Variants in NLGN1 observed in about 807,000 individuals in gnomAD.
NLGN1 encodes neuroligin 1.
A neutral mutation model predicts 65.5 loss-of-function variants in NLGN1; 12 were observed. The observed-to-expected ratio is 0.18, with a 90% CI of 0.12 to 0.30. The LOEUF is 0.30. Ranked by LOEUF, NLGN1 falls within the 10% of genes least tolerant of loss-of-function variation. NLGN1 has a pLI of 1.00. For missense variants in NLGN1, 750 were observed against 1,007.1 expected (o/e 0.74, Z 3.46); for synonymous variants, 350 against 359.5 (o/e 0.97, Z 0.30).
At chr3:173,560,201 G>GAA (rs566356841) in intron 2 of NLGN1, among the ~76,000 whole-genome samples, 311 of 152,128 alleles carry the variant, frequency 2.0e-3, no homozygotes, top group Non-Finnish European at 2.8e-3. Context: ...AAAGTGCTGG[G>GAA]ATTACTACAA....
At chr3:173,446,479 G>A (rs984755543) in intron 2 of NLGN1, among the ~76,000 whole-genome samples, 1 of 152,088 alleles carries the variant, frequency 6.6e-6, no homozygotes, top group Non-Finnish European at 1.5e-5. Context: ...TGGGCATTTG[G>A]GTTGGTTCTA....
chr3:173,557,391 T>C (rs1249509951), intron 2 of NLGN1, among the ~76,000 whole-genome samples: 1 of 152,156 alleles, frequency 6.6e-6, no homozygotes, highest in Non-Finnish European at 1.5e-5. Flanking sequence ...TATCTCATTT[T>C]TTTCTCATTT....
intron 3 of NLGN1, among the ~76,000 whole-genome samples, chr3:173,760,177 C>G (rs1396143064): frequency 5.9e-5 from 9 of 151,870 alleles, no homozygotes; most frequent in Non-Finnish European, 4.4e-5. Flanking sequence ...TCCCATAGAA[C>G]TTTATTTTTA....
At chr3:173,977,569 A>AG (rs1028462148) in intron 4 of NLGN1, among the ~76,000 whole-genome samples, 16 of 152,046 alleles carry the variant, frequency 1.1e-4, no homozygotes, top group African/African-American at 3.9e-4. Flanking sequence ...TTTTTATACT[A>AG]GAAGACAGAG....
intron 4 of NLGN1, among the ~76,000 whole-genome samples, chr3:173,850,798 A>G (rs1448259980): frequency 6.6e-6 from 1 of 152,086 alleles, no homozygotes; most frequent in African/African-American, 2.4e-5. Context: ...GTGCAGTGGC[A>G]CAATCATGAT....
intron 4 of NLGN1, among the ~76,000 whole-genome samples, chr3:173,974,082 C>T (rs563493013): frequency 1.6e-4 from 24 of 151,948 alleles, no homozygotes; most frequent in Middle Eastern, 3.4e-3. Flanking sequence ...AAATCTACAA[C>T]GTAGCCTCAG....
chr3:173,756,537 A>G (rs1777149402), intron 3 of NLGN1, among the ~76,000 whole-genome samples: 1 of 151,988 alleles, frequency 6.6e-6, no homozygotes, highest in South Asian at 2.1e-4. Context: ...GTGTGTGTGT[A>G]AATGTATATA....
At chr3:173,812,838 A>C (rs993044348) in intron 4 of NLGN1, among the ~76,000 whole-genome samples, 3 of 148,476 alleles carry the variant, frequency 2.0e-5, no homozygotes, top group Non-Finnish European at 3.0e-5. Flanking sequence ...TCAGTCATCA[A>C]ATCAGTAACA....
At chr3:173,397,533 A>G (rs1029668007), upstream of NLGN1, among the ~76,000 whole-genome samples, 14 of 145,086 alleles carry the variant, frequency 9.6e-5, no homozygotes, top group Middle Eastern at 3.5e-3. Flanking sequence ...TCTCTCCCCC[A>G]CTCCACTCCT....
chr3:173,410,829 C>T (rs796184775), intron 1 of NLGN1, among the ~76,000 whole-genome samples: 15 of 152,318 alleles, frequency 9.8e-5, no homozygotes, highest in African/African-American at 3.6e-4. Context: ...AAGTTATTTT[C>T]TGCATTTCAA....
At chr3:173,743,901 A>C (rs1329546986) in intron 3 of NLGN1, among the ~76,000 whole-genome samples, 1 of 152,192 alleles carries the variant, frequency 6.6e-6, no homozygotes. Context: ...ACAGTAAAAC[A>C]TGTCAGAGGA....
chr3:173,972,774 A>G (rs1025466366), intron 4 of NLGN1, among the ~76,000 whole-genome samples: 23 of 152,078 alleles, frequency 1.5e-4, no homozygotes, highest in African/African-American at 5.3e-4. Flanking sequence ...GAAACAGAGT[A>G]GTTGTTCTCA....
chr3:173,942,721 T>C (rs1296577373), intron 4 of NLGN1, among the ~76,000 whole-genome samples: 2 of 152,182 alleles, frequency 1.3e-5, no homozygotes, highest in Admixed American at 6.5e-5. Context: ...TTTTTCATAG[T>C]TAATGACAGC....
At chr3:173,747,325 T>C (rs28488112) in intron 3 of NLGN1, among the ~76,000 whole-genome samples, 2 of 142,314 alleles carry the variant, frequency 1.4e-5, no homozygotes, top group African/African-American at 5.2e-5. Context: ...TATATACTTA[T>C]ATACATTTTA....
chr3:173,519,310 C>A lies in NLGN1; in HGVS notation c.-321+84232C>A, dbSNP rs147010121. On this transcript the variant is annotated intron_variant, in intron 2 of 6. Transcript: ENST00000457714. ...TGGGGTGGGAGCCTCCACAGAGAGT[C>A]CCCATTGGGACACTGCCTAAGGGAG... Among the ~76,000 whole-genome samples the A allele has an allele frequency of 3.9e-3, 600 of 152,310 alleles. 6 individuals carry two copies. The highest frequency in any genetic ancestry group is 0.014 in the African/African-American group (571 of 41,570).
chr3:173,950,960 G>A (rs1028493848), intron 4 of NLGN1, among the ~76,000 whole-genome samples: 6 of 151,706 alleles, frequency 4.0e-5, no homozygotes, highest in South Asian at 2.1e-4. Flanking sequence ...TCCGTCTCCC[G>A]GGTTCAAGCG....
rs547453573 is a variant in NLGN1 at position 173,462,033 on chromosome 3, T to A, written c.-321+26955T>A. Among the ~76,000 whole-genome samples, 149 of 152,324 alleles carry A rather than the reference T, an allele frequency of 9.8e-4. No homozygotes were observed. The Middle Eastern group carries it at 0.01, about 10-fold the overall frequency. On this transcript the variant is annotated intron_variant, in intron 2 of 6. Transcript: ENST00000457714. Reference sequence around the variant, plus strand: ...CTATAAGTTATTATCAATTGCAGACTGATAAAACATCAAAAATCAATTGTA... The same window carrying A: ...CTATAAGTTATTATCAATTGCAGACAGATAAAACATCAAAAATCAATTGTA...
chr3:173,722,962 A>C (rs1771105061), intron 3 of NLGN1, among the ~76,000 whole-genome samples: 1 of 152,250 alleles, frequency 6.6e-6, no homozygotes, highest in South Asian at 2.1e-4. Flanking sequence ...TTAATAAGAT[A>C]GGCAGAGAAG....
intron 4 of NLGN1, among the ~76,000 whole-genome samples, chr3:173,868,905 A>G (rs1730682097): frequency 6.6e-6 from 1 of 152,144 alleles, no homozygotes; most frequent in African/African-American, 2.4e-5. Flanking sequence ...AGAGAGACAG[A>G]CAGAAAGAGA....
Sources: allele counts gnomAD v4.1 joint callset (sites outside exome capture counted in the v4.1 genomes callset), GRCh38; gene constraint gnomAD v4.1.1; transcripts MANE v1.5; gene names NCBI Gene and HGNC (gene_info 2026-07-23, HGNC 2026-07-21).